RNF150: variants seen among roughly 807,000 people sequenced by gnomAD.
RNF150 encodes ring finger protein 150.
In RNF150, 24 loss-of-function variants were observed where a neutral mutation model predicts 39.3. The ratio of observed to expected loss-of-function variants is 0.61; its 90% CI spans 0.44 to 0.86. The LOEUF is 0.86. RNF150 is among the 40% of genes least tolerant of loss of function. The probability of loss-of-function intolerance (pLI) is 0.00; values close to 1 mark genes in which losing one functional copy is unlikely to be tolerated. For missense variants in RNF150, 502 were observed against 587.8 expected (o/e 0.85, Z 1.51); for synonymous variants, 255 against 227.3 (o/e 1.12, Z -1.10).
chr4:140,920,387 A>G (rs1476476459), intron 5 of RNF150, among the ~76,000 whole-genome samples: 1 of 147,820 alleles, frequency 6.8e-6, no homozygotes, highest in Non-Finnish European at 1.5e-5. Context: ...GGACATGAAC[A>G]GACACTTCTC....
At chr4:140,949,519 C>T (rs926459460) in intron 2 of RNF150, 147 bp from the exon 3 acceptor site, 8 of 673,166 alleles carry the variant, frequency 1.2e-5, no homozygotes, top group Non-Finnish European at 1.5e-5. Flanking sequence ...AAAGACAGGG[C>T]AGTGGCATTT....
chr4:141,145,865 T>G (rs992301614), intron 1 of RNF150, among the ~76,000 whole-genome samples: 3 of 152,164 alleles, frequency 2.0e-5, no homozygotes, highest in Admixed American at 2.0e-4. Flanking sequence ...TTATATCTTG[T>G]GCAGATTTTG....
chr4:140,928,655 C>G (rs1445794447), intron 4 of RNF150, among the ~76,000 whole-genome samples: 2 of 152,068 alleles, frequency 1.3e-5, no homozygotes, highest in Non-Finnish European at 2.9e-5. Context: ...CATGCCATTC[C>G]CCTGCCTCAG....
At chr4:140,875,050 CA>C (rs1207301554) in intron 6 of RNF150, among the ~76,000 whole-genome samples, 2 of 151,890 alleles carry the variant, frequency 1.3e-5, no homozygotes, top group African/African-American at 4.8e-5. Flanking sequence ...GTAATAAAAC[CA>C]AGGCTCAAAA....
intron 1 of RNF150, among the ~76,000 whole-genome samples, chr4:141,038,425 C>T (rs567073016): frequency 6.6e-6 from 1 of 152,110 alleles, no homozygotes; most frequent in Non-Finnish European, 1.5e-5. Flanking sequence ...CATGGTGGCT[C>T]ATGCCTGTAA....
chr4:141,104,106 G>A (rs1016276250), intron 1 of RNF150, among the ~76,000 whole-genome samples: 4 of 152,182 alleles, frequency 2.6e-5, no homozygotes, highest in African/African-American at 9.7e-5. Context: ...TAGGGGAAAG[G>A]AGTGAAGGTC....
intron 1 of RNF150, among the ~76,000 whole-genome samples, chr4:141,166,065 A>T (rs1366558782): frequency 6.6e-6 from 1 of 152,180 alleles, no homozygotes; most frequent in African/African-American, 2.4e-5. Context: ...AAACTAATAA[A>T]GAAGAAAATA....
At chr4:141,156,925 C>G (rs1727414689) in intron 1 of RNF150, among the ~76,000 whole-genome samples, 1 of 151,876 alleles carries the variant, frequency 6.6e-6, no homozygotes, top group African/African-American at 2.4e-5. Context: ...TGATCATATG[C>G]TATAGATGAT....
intron 4 of RNF150, among the ~76,000 whole-genome samples, chr4:140,943,924 T>C (rs1251865239): frequency 1.3e-5 from 2 of 152,166 alleles, no homozygotes; most frequent in African/African-American, 4.8e-5. Context: ...AAATTAGAGA[T>C]AGGAGGAATT....
intron 1 of RNF150, among the ~76,000 whole-genome samples, chr4:140,981,509 G>A (rs1411675189): frequency 6.6e-6 from 1 of 152,066 alleles, no homozygotes; most frequent in Non-Finnish European, 1.5e-5. Flanking sequence ...TCCTGACTTC[G>A]AATTTATATG....
intron 1 of RNF150, among the ~76,000 whole-genome samples, chr4:141,027,933 T>TTG (rs1560696753): frequency 2.2e-4 from 28 of 127,852 alleles, no homozygotes; most frequent in African/African-American, 7.5e-4. Flanking sequence ...TTTGTTTTTT[T>TTG]TTTTTTTTTT....
rs752638366 is a variant in RNF150 at position 141,132,287 on chromosome 4, C to T, written c.484+38G>A. The T allele has an allele frequency of 1.3e-6, 2 of 1,552,438 alleles. No individual in the cohort carries two copies. Among genetic ancestry groups the T allele is most frequent in the East Asian group, 2.4e-5 (1 of 41,376 alleles). ...GGATCCCTCTAGGCACCTCCGTCCCCGCCGGCTCCCCTCCCCCGCGCCCGC... is the reference window on the plus strand; with the variant it reads ...GGATCCCTCTAGGCACCTCCGTCCCTGCCGGCTCCCCTCCCCCGCGCCCGC... On this transcript the variant is annotated intron_variant, in intron 1 of 6. Transcript: ENST00000515673. This position sits in a 1 kb window ranked among gnomAD's most constrained non-coding sequence, Gnocchi z 4.9.
At chr4:141,202,825 T>C (rs1019669085) in intron 1 of RNF150, among the ~76,000 whole-genome samples, 4 of 151,828 alleles carry the variant, frequency 2.6e-5, no homozygotes, top group Non-Finnish European at 2.9e-5. Flanking sequence ...GTCAGATCAG[T>C]ACAAAATTAA....
intron 4 of RNF150, among the ~76,000 whole-genome samples, chr4:140,939,617 TG>T (rs1732000624): frequency 2.7e-4 from 1 of 3,668 alleles, no homozygotes; most frequent in African/African-American, 5.6e-4. Context: ...TGTGTGTGTG[TG>T]TGTGTGTGTG....
chr4:141,051,807 AC>A (rs1479538030), intron 1 of RNF150, among the ~76,000 whole-genome samples: 19 of 152,158 alleles, frequency 1.2e-4, no homozygotes, highest in Admixed American at 1.2e-3. Flanking sequence ...TCTGCCTGTT[AC>A]CCAGTTTCAA....
At chr4:141,167,024 T>C (rs1451129616) in intron 1 of RNF150, among the ~76,000 whole-genome samples, 1 of 152,166 alleles carries the variant, frequency 6.6e-6, no homozygotes, top group Non-Finnish European at 1.5e-5. Flanking sequence ...GCAGATGACA[T>C]GATTGTACAT....
intron 1 of RNF150, among the ~76,000 whole-genome samples, chr4:141,026,297 C>T (rs912032289): frequency 6.6e-6 from 1 of 152,116 alleles, no homozygotes; most frequent in Admixed American, 6.6e-5. Context: ...AGAAAAGACA[C>T]ATTGAGAAAA....
In RNF150 at chr4:140,911,224, A is replaced by T. The variant is rs1730587939; in HGVS notation, c.1118T>A (p.Val373Asp). The change falls in exon 6 of 7, where the codon GTC becomes GAC. Residue 373 changes from valine to aspartate, a missense_variant. Coordinates refer to ENST00000515673, the MANE Select transcript of RNF150 (RefSeq NM_020724.2). ...CACCTGCAAGGCTCCCACAGTCCGG[A>T]CAGCAGGGTCCAAAGTGACTGAACT... ...NESSVTLDPAVRTVGALQVVQ... is the reference protein window; with the variant it reads ...NESSVTLDPADRTVGALQVVQ... 10 of 1,614,022 alleles carry T rather than the reference A, an allele frequency of 6.2e-6. No individual in the cohort carries two copies. Among genetic ancestry groups the T allele is most frequent in the Non-Finnish European group, 8.5e-6 (10 of 1,180,022 alleles).
At chr4:141,035,295 TG>T (rs1341022516) in intron 1 of RNF150, among the ~76,000 whole-genome samples, 1 of 152,194 alleles carries the variant, frequency 6.6e-6, no homozygotes, top group Non-Finnish European at 1.5e-5. Context: ...CCTGCTGGTG[TG>T]AGCCAGAATG....
Sources: gnomAD v4.1 joint callset for allele counts (sites outside exome capture counted in the v4.1 genomes callset) on GRCh38, gnomAD v4.1.1 for gene constraint, Gnocchi (gnomAD v3.1) non-coding constraint, MANE v1.5 for transcripts, NCBI Gene and HGNC (gene_info 2026-07-23, HGNC 2026-07-21) for gene names.